PRKAG2: variants seen among roughly 807,000 people sequenced by gnomAD.
The protein encoded by PRKAG2 is protein kinase AMP-activated non-catalytic subunit gamma 2, also known as 5'-AMP-activated protein kinase subunit gamma-2.
A neutral mutation model predicts 69.6 loss-of-function variants in PRKAG2; 26 were observed. That is an observed-to-expected ratio of 0.37 (90% confidence interval 0.27 to 0.52). The LOEUF (loss-of-function observed/expected upper bound fraction) is 0.52. Ranked by LOEUF, PRKAG2 falls within the 20% of genes least tolerant of loss-of-function variation. PRKAG2 has a pLI of 0.90. For synonymous variants in PRKAG2, 293 were observed against 285.0 expected, an observed-to-expected ratio of 1.03 and a Z score of -0.28; for missense variants, 557 against 740.0, an observed-to-expected ratio of 0.75 and a Z score of 2.87.
rs546746629 is a variant in PRKAG2 at position 151,647,599 on chromosome 7, C to T, written c.685-15461G>A. ...CAAGGAAAGGTGGACATTCGGGTGGCGGCTGTGGCAGAGGAAGAGCCTGAA... is the reference window on the plus strand; with the variant it reads ...CAAGGAAAGGTGGACATTCGGGTGGTGGCTGTGGCAGAGGAAGAGCCTGAA... On this transcript the variant is annotated intron_variant, in intron 4 of 15. Transcript: ENST00000287878. Among the ~76,000 whole-genome samples, 50 of 152,232 alleles carry T rather than the reference C, an allele frequency of 3.3e-4. 1 individual carries two copies. The highest frequency in any genetic ancestry group is 1.2e-3 in the African/African-American group (48 of 41,562).
At chr7:151,712,300 C>T (rs114700279) in intron 3 of PRKAG2, among the ~76,000 whole-genome samples, 1,995 of 152,278 alleles carry the variant, frequency 0.013, 54 homozygotes, top group African/African-American at 0.046. Flanking sequence ...CAGGAAGGGG[C>T]CTGGCACCCA....
chr7:151,842,653 A>G (rs374251821), intron 1 of PRKAG2, among the ~76,000 whole-genome samples: 2 of 119,684 alleles, frequency 1.7e-5, no homozygotes, highest in Non-Finnish European at 1.7e-5. Context: ...TGGTAGTGAT[A>G]GTAGTGAGGG....
intron 1 of PRKAG2, among the ~76,000 whole-genome samples, chr7:151,820,835 G>T (rs1402416584): frequency 6.6e-6 from 1 of 152,104 alleles, no homozygotes. Context: ...ACAATAAGCC[G>T]GGCTTCTCTC....
At chr7:151,797,459 C>A (rs2077613033) in intron 1 of PRKAG2, among the ~76,000 whole-genome samples, 1 of 152,144 alleles carries the variant, frequency 6.6e-6, no homozygotes, top group Non-Finnish European at 1.5e-5. Context: ...GGCTCAGAGA[C>A]CTCATTTCTG....
At chr7:151,806,793 C>T (rs2078124416) in intron 1 of PRKAG2, 1 of 347,638 alleles carries the variant, frequency 2.9e-6, no homozygotes, top group African/African-American at 2.2e-5. Context: ...TGGCAAAACC[C>T]TGTCTCTACT....
At chr7:151,581,913 A>G (rs1331597120) in intron 6 of PRKAG2, among the ~76,000 whole-genome samples, 13 of 152,248 alleles carry the variant, frequency 8.5e-5, no homozygotes, top group Admixed American at 8.5e-4. Flanking sequence ...GTTTACGGTG[A>G]GGCCACTGTG....
At chr7:151,720,692 T>G (rs1213428230) in intron 3 of PRKAG2, among the ~76,000 whole-genome samples, 12 of 20,904 alleles carry the variant, frequency 5.7e-4, no homozygotes, top group African/African-American at 6.3e-4. Flanking sequence ...AGGGGATGGA[T>G]GGGGACAGAG....
rs1396320961 is a variant in PRKAG2, at chr7:151,705,890, CAT to C, written c.467-30255_467-30254del. 3.9e-5 allele frequency among the ~76,000 whole-genome samples: 6 copies of C among 152,242 alleles called. No homozygotes were observed. The East Asian group carries it at 5.8e-4, about 15-fold the overall frequency. ...CTGCGTTTTATTTGACATTCCTACACATGTTTTATGATTTCACATCCCCCCGC... is the reference window on the plus strand; with the variant it reads ...CTGCGTTTTATTTGACATTCCTACACGTTTTATGATTTCACATCCCCCCGC... On this transcript the variant is annotated intron_variant, in intron 3 of 15. Transcript: ENST00000287878.
In PRKAG2 at chr7:151,828,776, A is replaced by C. The variant is rs2078961826; in HGVS notation, c.115-42235T>G. On this transcript the variant is annotated intron_variant, in intron 1 of 15. Coordinates refer to ENST00000287878, the MANE Select transcript of PRKAG2 (RefSeq NM_016203.4). The surrounding 1 kb of genome is among the most constrained non-coding windows in gnomAD (Gnocchi z 4.6). ...TCTTTACAAAAAAAAAAAAAACTTT[A>C]AAAGTCAGTGGGGCATGGTGGCTAC... 1.3e-5 allele frequency among the ~76,000 whole-genome samples: 2 copies of C among 151,928 alleles called. No homozygotes were observed. The highest frequency in any genetic ancestry group is 1.3e-4 in the Admixed American group (2 of 15,246).
chr7:151,558,369 G>C, intron 15 of PRKAG2: 1 of 985,438 alleles, frequency 1.0e-6, no homozygotes, highest in Non-Finnish European at 1.2e-6. Flanking sequence ...CCCGGGCACT[G>C]CGCCTCATTG....
chr7:151,794,358 T>C (rs112909096), intron 1 of PRKAG2, among the ~76,000 whole-genome samples: 1 of 152,354 alleles, frequency 6.6e-6, no homozygotes, highest in African/African-American at 2.4e-5. Flanking sequence ...TGCATTCACG[T>C]CTTATGTGGA....
At chr7:151,855,879 C>T (rs571424937) in intron 1 of PRKAG2, among the ~76,000 whole-genome samples, 1 of 152,244 alleles carries the variant, frequency 6.6e-6, no homozygotes, top group Non-Finnish European at 1.5e-5. Context: ...ATGCTATGTG[C>T]ACCCTGTCTC....
intron 6 of PRKAG2, among the ~76,000 whole-genome samples, chr7:151,584,358 A>G (rs1280471215): frequency 3.3e-5 from 5 of 152,302 alleles, no homozygotes; most frequent in East Asian, 1.9e-4. Flanking sequence ...TGGTATGTCC[A>G]TGCCAACTGT....
chr7:151,773,784 T>C (rs1405576434), intron 3 of PRKAG2, among the ~76,000 whole-genome samples: 1 of 152,214 alleles, frequency 6.6e-6, no homozygotes, highest in African/African-American at 2.4e-5. Flanking sequence ...GCAAAATCTT[T>C]TGAAGCTAAA....
rs1368460395 is a variant in PRKAG2, at chr7:151,876,980, T to C, written c.-360A>G. 5.4e-6 allele frequency: 2 copies of C among 369,158 alleles called. No individual in the cohort carries two copies. Among genetic ancestry groups the C allele is most frequent in the East Asian group, 1.3e-4 (2 of 15,412 alleles). The allele number at this position is 369,158 out of a possible 1,614,324, so 22.9% of individuals were successfully genotyped here. On this transcript the variant is annotated 5_prime_UTR_variant, in exon 1 of 16. Coordinates refer to ENST00000287878, the MANE Select transcript of PRKAG2 (RefSeq NM_016203.4). ...CACCCTCTCGGCTCCTCCCACAGATTCCCAGAGGTAATCTGAAAGGCAGGT... is the reference window on the plus strand; with the variant it reads ...CACCCTCTCGGCTCCTCCCACAGATCCCCAGAGGTAATCTGAAAGGCAGGT...
intron 1 of PRKAG2, among the ~76,000 whole-genome samples, chr7:151,817,182 A>G (rs1398117375): frequency 6.6e-6 from 1 of 152,122 alleles, no homozygotes; most frequent in Non-Finnish European, 1.5e-5. Flanking sequence ...CTCTCCCTGG[A>G]GGGCGGAGTC....
intron 5 of PRKAG2, among the ~76,000 whole-genome samples, chr7:151,623,518 G>A (rs910845840): frequency 2.0e-5 from 3 of 152,026 alleles, no homozygotes; most frequent in Admixed American, 1.3e-4. Flanking sequence ...ATGCTCGCTC[G>A]CCTGCTGCTC....
intron 1 of PRKAG2, among the ~76,000 whole-genome samples, chr7:151,848,071 G>A (rs1563751240): frequency 6.6e-6 from 1 of 152,250 alleles, no homozygotes; most frequent in Non-Finnish European, 1.5e-5. Context: ...TGTGAAGTCA[G>A]ATTGCAGAGA....
intron 6 of PRKAG2, among the ~76,000 whole-genome samples, chr7:151,594,650 C>T (rs1814018764): frequency 6.6e-6 from 1 of 151,978 alleles, no homozygotes; most frequent in Admixed American, 6.5e-5. Context: ...TAAGAAAGAC[C>T]ATGAGGATAT....
Sources: gnomAD v4.1 joint callset for allele counts (sites outside exome capture counted in the v4.1 genomes callset) on GRCh38, gnomAD v4.1.1 for gene constraint, Gnocchi (gnomAD v3.1) non-coding constraint, MANE v1.5 for transcripts, NCBI Gene and HGNC (gene_info 2026-07-23, HGNC 2026-07-21) for gene names.